The following MTMR3 variants were observed in gnomAD, a reference collection of about 807,000 sequenced individuals.
MTMR3 encodes phosphatidylinositol-3,5-bisphosphate 3-phosphatase MTMR3.
A neutral mutation model predicts 132.4 loss-of-function variants in MTMR3; 32 were observed. That is an observed-to-expected ratio of 0.24 (90% CI 0.18 to 0.32). The LOEUF is 0.32. Among genes scored for constraint, MTMR3 ranks in the 10% least tolerant of loss-of-function variants. MTMR3 has a pLI of 1.00. For missense variants in MTMR3, 1,216 were observed against 1,489.6 expected (o/e 0.82, Z 3.02); for synonymous variants, 556 against 550.3 (o/e 1.01, Z -0.14).
At chr22:29,987,063 A>T in intron 5 of MTMR3, 1 of 151,834 alleles carries the variant, frequency 6.6e-6, no homozygotes, top group East Asian at 1.9e-4. Context: ...TCTTTTTCTG[A>T]CCCCCAGTCC....
intron 2 of MTMR3, among the ~76,000 whole-genome samples, chr22:29,966,806 T>G (rs1006438161): frequency 6.6e-6 from 1 of 151,602 alleles, no homozygotes; most frequent in Non-Finnish European, 1.5e-5. Flanking sequence ...AGAGAATGTT[T>G]CTTTATGAAC....
intron 1 of MTMR3, among the ~76,000 whole-genome samples, chr22:29,945,101 C>A (rs2065926925): frequency 6.6e-6 from 1 of 152,180 alleles, no homozygotes; most frequent in South Asian, 2.1e-4. Flanking sequence ...CATCCTCAGC[C>A]TCCTGGACTC....
chr22:29,885,675 G>T (rs76449854), intron 1 of MTMR3, among the ~76,000 whole-genome samples: 9,030 of 152,214 alleles, frequency 0.059, 501 homozygotes, highest in South Asian at 0.24. Flanking sequence ...TAGGATGGGT[G>T]TGTTAGCAAT....
At chr22:30,023,610 G>T in intron 19 of MTMR3, 4 of 1,182,264 alleles carry the variant, frequency 3.4e-6, no homozygotes, top group Non-Finnish European at 5.0e-6. Flanking sequence ...TGCACAGGCA[G>T]ATAGGTGGGC....
chr22:29,920,704 C>T (rs958242799), intron 1 of MTMR3, among the ~76,000 whole-genome samples: 2 of 151,934 alleles, frequency 1.3e-5, no homozygotes, highest in Non-Finnish European at 2.9e-5. Flanking sequence ...AAGTAATTCT[C>T]TAGAGCAGAA....
chr22:30,022,144 A>G lies in MTMR3; in HGVS notation c.3336+5A>G, dbSNP rs564986849. 46 of 1,605,202 alleles carry G rather than the reference A, an allele frequency of 2.9e-5. No individual in the cohort carries two copies. In the South Asian group the frequency reaches 4.0e-4, roughly 14 times the overall value. ...GTGGATAAACAGGACACAGAGGTAC[A>G]GGCTCAGCCCCTGCTCTGAGTGCCA... is the stretch of plus-strand genomic sequence containing the variant. On this transcript the variant is annotated splice_donor_5th_base_variant and intron_variant, in intron 18 of 19. Transcript: ENST00000401950.
At chr22:30,022,769 T>C in intron 19 of MTMR3, 72 bp downstream of exon 19, 1 of 1,317,370 alleles carries the variant, frequency 7.6e-7, no homozygotes, top group Non-Finnish European at 1.1e-6. Flanking sequence ...GCCTGCAGAG[T>C]AGAGGGTTGT....
chr22:29,913,754 A>G (rs2065257956), intron 1 of MTMR3, among the ~76,000 whole-genome samples: 1 of 143,634 alleles, frequency 7.0e-6, no homozygotes, highest in Admixed American at 6.9e-5. Flanking sequence ...TTTTGGGTTT[A>G]TTTATTTATT....
chr22:29,955,686 C>A (rs2066174802), intron 1 of MTMR3, among the ~76,000 whole-genome samples: 1 of 152,166 alleles, frequency 6.6e-6, no homozygotes, highest in South Asian at 2.1e-4. Context: ...TAAGACACTT[C>A]ATTGTTGCAT....
At chr22:29,932,415 G>A (rs1177183470) in intron 1 of MTMR3, among the ~76,000 whole-genome samples, 3 of 152,092 alleles carry the variant, frequency 2.0e-5, no homozygotes, top group African/African-American at 4.8e-5. Context: ...TTTTCAAAAT[G>A]TTCCTTTTTT....
At chr22:29,925,941 G>C (rs969604825) in intron 1 of MTMR3, among the ~76,000 whole-genome samples, 1 of 151,974 alleles carries the variant, frequency 6.6e-6, no homozygotes, top group Non-Finnish European at 1.5e-5. Flanking sequence ...TAAAAATAAA[G>C]TATACAATGT....
At chr22:29,941,270 A>G (rs971886128) in intron 1 of MTMR3, among the ~76,000 whole-genome samples, 1 of 152,156 alleles carries the variant, frequency 6.6e-6, no homozygotes, top group African/African-American at 2.4e-5. Flanking sequence ...ATGGCAATCC[A>G]TTATAGAAAT....
chr22:29,927,544 TG>T (rs2065541341), intron 1 of MTMR3, among the ~76,000 whole-genome samples: 1 of 152,218 alleles, frequency 6.6e-6, no homozygotes, highest in Non-Finnish European at 1.5e-5. Context: ...AAAACATTTT[TG>T]TTTTAAATTC....
chr22:29,946,985 T>C (rs1159822388), intron 1 of MTMR3, among the ~76,000 whole-genome samples: 1 of 152,132 alleles, frequency 6.6e-6, no homozygotes, highest in Non-Finnish European at 1.5e-5. Flanking sequence ...CTTTAGAATA[T>C]AGGGTTTAGG....
chr22:29,972,129 TA>T (rs2066548591), intron 3 of MTMR3, among the ~76,000 whole-genome samples: 2 of 152,254 alleles, frequency 1.3e-5, no homozygotes, highest in African/African-American at 4.8e-5. Context: ...ATCTTATACC[TA>T]AACATTGATG....
At chr22:29,970,114 TC>T (rs2066504090) in intron 2 of MTMR3, among the ~76,000 whole-genome samples, 2 of 152,186 alleles carry the variant, frequency 1.3e-5, no homozygotes, top group Non-Finnish European at 2.9e-5. Flanking sequence ...GGATATTCTT[TC>T]CCCCTTTTTT....
intron 7 of MTMR3, 98 bp downstream of exon 7, chr22:29,991,768 C>A: frequency 7.8e-7 from 1 of 1,275,940 alleles, no homozygotes; most frequent in Non-Finnish European, 1.1e-6. Flanking sequence ...ATTCATATAT[C>A]AATCAGTGTA....
At chr22:29,906,286 G>GTCTGTCTA (rs2065099481) in intron 1 of MTMR3, among the ~76,000 whole-genome samples, 27 of 74,456 alleles carry the variant, frequency 3.6e-4, no homozygotes, top group African/African-American at 8.1e-4. Context: ...CTGTCTGTCT[G>GTCTGTCTA]TCTATCTATC....
chr22:30,010,518 T>C (rs2067390648), intron 12 of MTMR3: 1 of 152,222 alleles, frequency 6.6e-6, no homozygotes, highest in African/African-American at 2.4e-5. Context: ...CGGCCTGTGT[T>C]TGGGGCTGTG....
Sources: allele counts gnomAD v4.1 joint callset (sites outside exome capture counted in the v4.1 genomes callset), GRCh38; gene constraint gnomAD v4.1.1; transcripts MANE v1.5; gene names NCBI Gene and HGNC (gene_info 2026-07-23, HGNC 2026-07-21).